The following MYO1D variants were observed in gnomAD, a reference collection of about 807,000 sequenced individuals.
MYO1D encodes the protein myosin ID.
Under a neutral mutation model 122.0 loss-of-function variants are expected in MYO1D, and 83 were observed. That is an observed-to-expected ratio of 0.68 (90% CI 0.57 to 0.82). MYO1D has a LOEUF of 0.82. Among genes scored for constraint, MYO1D ranks in the 40% least tolerant of loss-of-function variants. The probability of loss-of-function intolerance (pLI) is 0.00; values close to 1 mark genes in which losing one functional copy is unlikely to be tolerated. For missense variants in MYO1D, 1,157 were observed against 1,269.5 expected (o/e 0.91, Z 1.35); for synonymous variants, 464 against 446.9 (o/e 1.04, Z -0.48).
chr17:32,669,902 C>CT (rs1000767728), intron 16 of MYO1D, among the ~76,000 whole-genome samples: 4 of 149,108 alleles, frequency 2.7e-5, no homozygotes, highest in African/African-American at 9.9e-5. Flanking sequence ...TTTCTTTTTT[C>CT]TTTTTTTTCA....
rs2087264483 is a variant in MYO1D, at chr17:32,574,863, C to A, written c.2864+30224G>T. Reference sequence around the variant, plus strand: ...GAAGTCAGAAAAACTGGGTTTGAATCTGTCTGTGCTCGCCACTTGCTAGCT... The same window carrying A: ...GAAGTCAGAAAAACTGGGTTTGAATATGTCTGTGCTCGCCACTTGCTAGCT... On this transcript the variant is annotated intron_variant, in intron 21 of 21. Transcript: ENST00000318217. Among the ~76,000 whole-genome samples the A allele has an allele frequency of 5.3e-5, 8 of 152,176 alleles. 1 individual carries two copies. The highest frequency in any genetic ancestry group is 4.6e-4 in the Admixed American group (7 of 15,276).
intron 1 of MYO1D, among the ~76,000 whole-genome samples, chr17:32,852,315 C>CG (rs1289305614): frequency 6.6e-6 from 1 of 152,004 alleles, no homozygotes; most frequent in Non-Finnish European, 1.5e-5. Context: ...TTGGTAGAGA[C>CG]GGGGTTTCAC....
chr17:32,661,634 G>A (rs1424407363), intron 16 of MYO1D, among the ~76,000 whole-genome samples: 1 of 146,606 alleles, frequency 6.8e-6, no homozygotes, highest in African/African-American at 2.5e-5. Flanking sequence ...CAGCCTGGGC[G>A]ATGGAAGTGA....
chr17:32,775,567 T>C (rs2090163354), intron 4 of MYO1D, among the ~76,000 whole-genome samples: 1 of 152,164 alleles, frequency 6.6e-6, no homozygotes, highest in Non-Finnish European at 1.5e-5. Context: ...AACTGATTAG[T>C]CTTAGATTGA....
intron 1 of MYO1D, among the ~76,000 whole-genome samples, chr17:32,861,924 A>G (rs957317211): frequency 1.3e-5 from 2 of 152,222 alleles, no homozygotes; most frequent in African/African-American, 4.8e-5. Context: ...AGGCTGAGAT[A>G]GGAGAATAGC....
At chr17:32,844,941 A>G (rs769671394) in intron 1 of MYO1D, among the ~76,000 whole-genome samples, 9 of 152,050 alleles carry the variant, frequency 5.9e-5, no homozygotes, top group Admixed American at 5.2e-4. Context: ...AAGTAGATGT[A>G]TATCTATTGA....
At chr17:32,679,875 A>AT (rs1193938302) in intron 16 of MYO1D, among the ~76,000 whole-genome samples, 2 of 150,720 alleles carry the variant, frequency 1.3e-5, no homozygotes, top group African/African-American at 4.9e-5. Context: ...CACGATATTG[A>AT]TTCTTCCTAC....
At chr17:32,655,866 G>A (rs76129725) in intron 17 of MYO1D, among the ~76,000 whole-genome samples, 2,262 of 152,302 alleles carry the variant, frequency 0.015, 46 homozygotes, top group African/African-American at 0.049. Context: ...GCTAGAGTAA[G>A]GTGGCTTGGA....
chr17:32,821,779 AG>A (rs1431678841), intron 1 of MYO1D, among the ~76,000 whole-genome samples: 3 of 152,376 alleles, frequency 2.0e-5, no homozygotes, highest in South Asian at 2.1e-4. Context: ...ATATGAATGC[AG>A]GGATTAGGTT....
At chr17:32,599,166 T>C (rs1016733565) in intron 21 of MYO1D, among the ~76,000 whole-genome samples, 1 of 152,202 alleles carries the variant, frequency 6.6e-6, no homozygotes, top group African/African-American at 2.4e-5. Flanking sequence ...AAAATTGGAG[T>C]CAATCCTCTC....
chr17:32,844,941 ATATC>A (rs1192998745), intron 1 of MYO1D, among the ~76,000 whole-genome samples: 1 of 152,050 alleles, frequency 6.6e-6, no homozygotes, highest in Non-Finnish European at 1.5e-5. Context: ...AAGTAGATGT[ATATC>A]TATTGACACG....
intron 19 of MYO1D, among the ~76,000 whole-genome samples, chr17:32,639,429 A>C (rs1441464718): frequency 6.6e-6 from 1 of 150,662 alleles, no homozygotes; most frequent in East Asian, 1.9e-4. Flanking sequence ...ACTTTATTAG[A>C]CAGAGGGTCA....
chr17:32,724,040 AT>A (rs1387846946), intron 14 of MYO1D, among the ~76,000 whole-genome samples: 2 of 152,172 alleles, frequency 1.3e-5, no homozygotes, highest in East Asian at 3.8e-4. Flanking sequence ...GAGCATCTAT[AT>A]TGGGGGAACA....
In MYO1D at chr17:32,803,272, G is replaced by A. The variant is rs542700626; in HGVS notation, c.96-22488C>T. ...CGCCATTCTCCTGCCTCAGCCTCCC[G>A]AGTAGCTGGGACTACAGGTGCCCGC... On this transcript the variant is annotated intron_variant, in intron 1 of 21. Transcript: ENST00000318217. Among the ~76,000 whole-genome samples the A allele has an allele frequency of 1.1e-4, 16 of 152,116 alleles. No individual in the cohort carries two copies. In the East Asian group the frequency reaches 2.3e-3, roughly 22 times the overall value.
At position 32,828,012 on chromosome 17, in the gene MYO1D, C is replaced by T. The variant is rs190235398; in HGVS notation, c.96-47228G>A. ...ATGGCAAAAGCACATGATCACAAAC[C>T]GCTAAATATTGGACAAAGACCAAAA... On this transcript the variant is annotated intron_variant, in intron 1 of 21. Transcript: ENST00000318217. Among the ~76,000 whole-genome samples, 8 of 152,268 alleles carry T rather than the reference C, an allele frequency of 5.3e-5. No homozygotes were observed. In the East Asian group the frequency reaches 5.8e-4, roughly 11 times the overall value.
intron 1 of MYO1D, among the ~76,000 whole-genome samples, chr17:32,860,944 C>T (rs1211139203): frequency 6.6e-6 from 1 of 152,176 alleles, no homozygotes; most frequent in East Asian, 1.9e-4. Context: ...TCAGTGTTAG[C>T]CCATTAGTCA....
chr17:32,741,840 C>T (rs979288423), intron 13 of MYO1D, among the ~76,000 whole-genome samples: 77 of 151,858 alleles, frequency 5.1e-4, no homozygotes, highest in Admixed American at 2.1e-3. Flanking sequence ...AGTGAAACCC[C>T]GTCTCTACTA....
At chr17:32,516,793 G>C (rs771363219) in intron 21 of MYO1D, among the ~76,000 whole-genome samples, 18 of 152,294 alleles carry the variant, frequency 1.2e-4, no homozygotes, top group Non-Finnish European at 2.2e-4. Context: ...TGTTACCTGG[G>C]AGAGAGAGAG....
At chr17:32,604,472 C>T (rs1170576967) in intron 21 of MYO1D, among the ~76,000 whole-genome samples, 5 of 152,188 alleles carry the variant, frequency 3.3e-5, no homozygotes, top group African/African-American at 9.7e-5. Flanking sequence ...GACAAAATCA[C>T]TCCCCTGCTT....
Sources: gnomAD v4.1 joint callset for allele counts (sites outside exome capture counted in the v4.1 genomes callset) on GRCh38, gnomAD v4.1.1 for gene constraint, MANE v1.5 for transcripts, NCBI Gene and HGNC (gene_info 2026-07-23, HGNC 2026-07-21) for gene names.